ANO4: variants seen among roughly 807,000 people sequenced by gnomAD.
The protein encoded by ANO4 is anoctamin-4.
In ANO4, 69 loss-of-function variants were observed where a neutral mutation model predicts 141.9. That is an observed-to-expected ratio of 0.49 (90% CI 0.40 to 0.59). The LOEUF is 0.59. Among genes scored for constraint, ANO4 ranks in the 20% least tolerant of loss-of-function variants. ANO4 has a pLI of 0.00. For synonymous variants in ANO4, 350 were observed against 394.3 expected (o/e 0.89, Z 1.33); for missense variants, 894 against 1,162.2 (o/e 0.77, Z 3.36).
intron 12 of ANO4, 34 bp from the exon 13 acceptor site, chr12:101,043,496 TTCCATGTCA>T: frequency 6.8e-7 from 1 of 1,468,916 alleles, no homozygotes; most frequent in Non-Finnish European, 9.5e-7. Context: ...GAAAAAAATG[TTCCATGTCA>T]TCAAAAAGCA....
intron 2 of ANO4, among the ~76,000 whole-genome samples, chr12:100,916,280 T>C (rs891093481): frequency 6.6e-6 from 1 of 152,192 alleles, no homozygotes; most frequent in Non-Finnish European, 1.5e-5. Flanking sequence ...TTTAACAAGA[T>C]TTTACTAAAA....
chr12:100,926,000 C>T (rs2041856840), intron 3 of ANO4, among the ~76,000 whole-genome samples: 1 of 151,684 alleles, frequency 6.6e-6, no homozygotes, highest in East Asian at 1.9e-4. Context: ...TCAATCTTAA[C>T]CCTAAGTAAT....
intron 17 of ANO4, among the ~76,000 whole-genome samples, chr12:101,088,498 C>T (rs573896040): frequency 9.2e-4 from 140 of 152,174 alleles, no homozygotes; most frequent in Non-Finnish European, 1.6e-3. Context: ...CCCATAAGGG[C>T]AGAAGCTTTT....
At chr12:100,822,475 A>G (rs1314481572) in intron 1 of ANO4, among the ~76,000 whole-genome samples, 3 of 152,018 alleles carry the variant, frequency 2.0e-5, no homozygotes, top group Admixed American at 1.3e-4. Context: ...CAGCTCCTGG[A>G]CCTGGCCACA....
chr12:101,076,526 G>T (rs889098313), intron 14 of ANO4, among the ~76,000 whole-genome samples: 10 of 152,190 alleles, frequency 6.6e-5, no homozygotes, highest in Non-Finnish European at 1.5e-4. Flanking sequence ...GATTCAGCAG[G>T]AATACTGAAG....
At chr12:100,757,050 G>A (rs1157891664) in intron 3 of ANO4, among the ~76,000 whole-genome samples, 1 of 152,024 alleles carries the variant, frequency 6.6e-6, no homozygotes, top group Admixed American at 6.5e-5. Flanking sequence ...GTCCCTTCTG[G>A]AAAATGTGGA....
At chr12:101,048,107 C>A in intron 13 of ANO4, 1 of 1,137,790 alleles carries the variant, frequency 8.8e-7, no homozygotes. Context: ...GATAAATGTT[C>A]AACTAGATGA....
intron 5 of ANO4, among the ~76,000 whole-genome samples, chr12:100,965,569 C>T (rs2043617056): frequency 6.6e-6 from 1 of 151,942 alleles, no homozygotes; most frequent in Non-Finnish European, 1.5e-5. Context: ...ATGATCATTC[C>T]CAGCCCTCTT....
chr12:100,968,951 C>T (rs564304275), intron 5 of ANO4, among the ~76,000 whole-genome samples: 2 of 152,160 alleles, frequency 1.3e-5, no homozygotes, highest in African/African-American at 4.8e-5. Context: ...GAGGACTGAC[C>T]ATAATAGGTT....
chr12:101,115,110 T>C (rs1273834736), intron 24 of ANO4, among the ~76,000 whole-genome samples: 3 of 152,236 alleles, frequency 2.0e-5, no homozygotes, highest in Non-Finnish European at 4.4e-5. Flanking sequence ...CTGAAGATCA[T>C]GATTTATTCA....
chr12:101,119,440 C>T (rs1010181250), intron 25 of ANO4, among the ~76,000 whole-genome samples: 7 of 151,890 alleles, frequency 4.6e-5, no homozygotes, highest in Non-Finnish European at 2.9e-5. Context: ...GGTGACAGAG[C>T]GAGATTCTGT....
intron 8 of ANO4, among the ~76,000 whole-genome samples, chr12:100,994,494 A>T (rs1322413460): frequency 2.0e-5 from 3 of 152,226 alleles, no homozygotes; most frequent in Non-Finnish European, 4.4e-5. Flanking sequence ...TTTTTATAAT[A>T]GATATACAGG....
Position 101,081,299 on chromosome 12 carries a change from A to G in ANO4, c.1395+2024A>G, listed in dbSNP as rs550453551. On this transcript the variant is annotated intron_variant, in intron 15 of 27. Transcript: ENST00000392977. ...AAGTGGGACTAAATTTTCCCCTTCTATCTGTAAAGTGTGGCCCTATTTGAG... is the reference window on the plus strand; with the variant it reads ...AAGTGGGACTAAATTTTCCCCTTCTGTCTGTAAAGTGTGGCCCTATTTGAG... Among the ~76,000 whole-genome samples the G allele has an allele frequency of 2.8e-3, 428 of 152,262 alleles. 1 individual carries two copies. The highest frequency in any genetic ancestry group is 4.8e-3 in the Non-Finnish European group (323 of 67,998).
intron 5 of ANO4, among the ~76,000 whole-genome samples, chr12:100,960,705 G>C (rs2043382468): frequency 6.6e-6 from 1 of 152,112 alleles, no homozygotes; most frequent in Non-Finnish European, 1.5e-5. Flanking sequence ...TCTGGGTCTT[G>C]CTTATTTCAT....
At chr12:100,882,942 CT>C (rs2039641366) in intron 1 of ANO4, among the ~76,000 whole-genome samples, 1 of 152,170 alleles carries the variant, frequency 6.6e-6, no homozygotes, top group African/African-American at 2.4e-5. Context: ...CTCAGGTGAT[CT>C]GTCCGTCTTG....
chr12:100,821,059 G>A (rs1363267324), intron 1 of ANO4, among the ~76,000 whole-genome samples: 5 of 152,032 alleles, frequency 3.3e-5, no homozygotes, highest in Admixed American at 2.0e-4. Flanking sequence ...GATGGTTGTC[G>A]AAACTAAAGG....
intron 14 of ANO4, among the ~76,000 whole-genome samples, chr12:101,054,749 C>T (rs906390545): frequency 6.6e-6 from 1 of 152,088 alleles, no homozygotes; most frequent in African/African-American, 2.4e-5. Context: ...ATCCGCCCGC[C>T]TTGGCCTCCC....
intron 1 of ANO4, among the ~76,000 whole-genome samples, chr12:100,722,871 A>G (rs2030931368): frequency 6.6e-6 from 1 of 152,096 alleles, no homozygotes. Flanking sequence ...GAAAAGACAA[A>G]CAAGCAAAAG....
chr12:101,050,570 G>A (rs571505224), intron 14 of ANO4, among the ~76,000 whole-genome samples: 1 of 152,154 alleles, frequency 6.6e-6, no homozygotes, highest in South Asian at 2.1e-4. Flanking sequence ...CACAAATGAG[G>A]GGACTCTGGA....
Sources: allele counts gnomAD v4.1 joint callset (sites outside exome capture counted in the v4.1 genomes callset), GRCh38; gene constraint gnomAD v4.1.1; transcripts MANE v1.5; gene names NCBI Gene and HGNC (gene_info 2026-07-23, HGNC 2026-07-21).